RNF185: variants seen among roughly 807,000 people sequenced by gnomAD.
RNF185 encodes the protein ring finger protein 185, also known as E3 ubiquitin-protein ligase RNF185.
Under a neutral mutation model 24.9 loss-of-function variants are expected in RNF185, and 13 were observed. The observed-to-expected ratio is 0.52, with a 90% CI of 0.34 to 0.83. RNF185 has a LOEUF of 0.83. RNF185 is among the 40% of genes least tolerant of loss of function. RNF185 has a pLI of 0.01. For missense variants in RNF185, 184 were observed against 244.7 expected (o/e 0.75, Z 1.65); for synonymous variants, 79 against 90.3 (o/e 0.88, Z 0.71).
chr22:31,171,537 AG>A (rs78452507), intron 1 of RNF185, among the ~76,000 whole-genome samples: 6,532 of 152,246 alleles, frequency 0.043, 536 homozygotes, highest in East Asian at 0.37. Context: ...TTTGCCAAAC[AG>A]CACTGGTAAC....
chr22:31,172,687 T>G (rs1269052511), intron 1 of RNF185, among the ~76,000 whole-genome samples: 1 of 140,720 alleles, frequency 7.1e-6, no homozygotes, highest in Non-Finnish European at 1.5e-5. Context: ...AAGCAGAGGT[T>G]GCAGTGAGCC....
At chr22:31,179,092 G>C (rs2048009650) in intron 1 of RNF185, among the ~76,000 whole-genome samples, 1 of 152,194 alleles carries the variant, frequency 6.6e-6, no homozygotes, top group African/African-American at 2.4e-5. Context: ...CTGGTCAGGA[G>C]AAAAGAATGG....
In RNF185 at chr22:31,178,418, G is replaced by C. The variant is rs561254096; in HGVS notation, c.-48-8629G>C. ...TGGGTTTCCAAAACTCTGTTAATTA[G>C]AGAATCATCTAGGGTAGAAAGTGAG... On this transcript the variant is annotated intron_variant, in intron 1 of 6. Coordinates refer to ENST00000326132, the MANE Select transcript of RNF185 (RefSeq NM_152267.4). 7.9e-5 allele frequency among the ~76,000 whole-genome samples: 12 copies of C among 152,274 alleles called. No individual in the cohort carries two copies. The East Asian group carries it at 2.3e-3, about 29-fold the overall frequency.
intron 6 of RNF185, among the ~76,000 whole-genome samples, chr22:31,203,938 G>A (rs572460319): frequency 4.4e-4 from 67 of 151,970 alleles, no homozygotes; most frequent in African/African-American, 1.6e-3. Context: ...CTACTCAGGA[G>A]GCTGAGGCAG....
intron 3 of RNF185, among the ~76,000 whole-genome samples, chr22:31,193,654 C>T (rs1031488220): frequency 6.6e-6 from 1 of 151,678 alleles, no homozygotes; most frequent in African/African-American, 2.4e-5. Context: ...ATTAGCTGGG[C>T]GTGGTGGTGC....
intron 1 of RNF185, among the ~76,000 whole-genome samples, chr22:31,164,146 C>T (rs1173294963): frequency 2.0e-5 from 3 of 151,132 alleles, no homozygotes; most frequent in African/African-American, 7.3e-5. Flanking sequence ...CACACCTGGC[C>T]AATTTTTGTA....
At position 31,201,574 on chromosome 22, in the gene RNF185, T is replaced by C; in HGVS notation, c.440T>C (p.Phe147Ser). Residue 147 changes from phenylalanine to serine, a missense_variant, in exon 6 of 7, where the codon TTT becomes TCT. Phe to Ser is a radical substitution (Grantham distance 155). Coordinates refer to ENST00000326132, the MANE Select transcript of RNF185 (RefSeq NM_152267.4). ...ATTGGGGCATTTCCCTTTGGGATATTTGCCACAGCATTTAATATAAATGAT... is the reference window on the plus strand; with the variant it reads ...ATTGGGGCATTTCCCTTTGGGATATCTGCCACAGCATTTAATATAAATGAT... The part of the protein sequence containing the change: ...FGIGAFPFGI[F>S]ATAFNINDGR... 6.2e-7 allele frequency: 1 copy of C among 1,612,504 alleles called. No homozygotes were observed. Among genetic ancestry groups the C allele is most frequent in the Non-Finnish European group, 8.5e-7 (1 of 1,179,646 alleles).
chr22:31,170,560 G>A (rs2047919361), intron 1 of RNF185, among the ~76,000 whole-genome samples: 1 of 151,838 alleles, frequency 6.6e-6, no homozygotes, highest in East Asian at 1.9e-4. Flanking sequence ...ACCCAGGGTG[G>A]AGTGCGGTAG....
chr22:31,167,651 G>A (rs947669245), intron 1 of RNF185, among the ~76,000 whole-genome samples: 3 of 112,872 alleles, frequency 2.7e-5, no homozygotes, highest in Non-Finnish European at 4.9e-5. Context: ...TCACTCCGTT[G>A]TCACCCAGGC....
chr22:31,193,962 G>T (rs537220879), intron 3 of RNF185, among the ~76,000 whole-genome samples: 1 of 142,378 alleles, frequency 7.0e-6, no homozygotes, highest in Non-Finnish European at 1.5e-5. Context: ...GTGAGATCTC[G>T]GCTCACTGGA....
At position 31,189,786 on chromosome 22, in the gene RNF185, G is replaced by A. The variant is rs193154433; in HGVS notation, c.176+2516G>A. ...AATTTTTGTATTTTTAGTAGAGAGA[G>A]GTTTTCACCATGTTGGCCAGGATGG... On this transcript the variant is annotated intron_variant, in intron 2 of 6. Coordinates refer to ENST00000326132, the MANE Select transcript of RNF185 (RefSeq NM_152267.4). Among the ~76,000 whole-genome samples the A allele has an allele frequency of 1.9e-3, 290 of 151,700 alleles. 3 individuals are homozygous for A. Among genetic ancestry groups the A allele is most frequent in the East Asian group, 5.2e-3 (27 of 5,158 alleles).
At chr22:31,176,511 CAG>C in intron 1 of RNF185, among the ~76,000 whole-genome samples, 1 of 142,070 alleles carries the variant, frequency 7.0e-6, no homozygotes, top group South Asian at 2.2e-4. Context: ...TTTTTTTAGA[CAG>C]AGTCTTGCTC....
intron 2 of RNF185, among the ~76,000 whole-genome samples, chr22:31,188,419 G>T (rs909771495): frequency 2.6e-5 from 4 of 152,102 alleles, no homozygotes; most frequent in Non-Finnish European, 5.9e-5. Flanking sequence ...ATACTTCAGG[G>T]TATCGTAAAA....
intron 4 of RNF185, among the ~76,000 whole-genome samples, chr22:31,196,269 T>C (rs1298408084): frequency 1.3e-5 from 2 of 152,146 alleles, no homozygotes; most frequent in African/African-American, 4.8e-5. Flanking sequence ...TTCCTTGAAG[T>C]GGTCTGTCTT....
At chr22:31,189,999 T>C (rs528892226) in intron 2 of RNF185, among the ~76,000 whole-genome samples, 86 of 152,226 alleles carry the variant, frequency 5.6e-4, no homozygotes, top group Non-Finnish European at 1.1e-3. Context: ...ATCTGCTAGC[T>C]TCCCTGTACT....
rs760777312 is a variant in RNF185 at position 31,160,188 on chromosome 22, C to T, written c.-164C>T. On this transcript the variant is annotated 5_prime_UTR_variant, in exon 1 of 7. Transcript: ENST00000326132. ...AGAGGGGCGGCTCCGCGTCATGTGA[C>T]TGGAGTCCGCGTAGGAGGGGTCGGA... 1 of 152,766 alleles carries T rather than the reference C, an allele frequency of 6.5e-6. No individual in the cohort carries two copies. The allele number at this position is 152,766 out of a possible 1,614,324, so 9.5% of individuals were successfully genotyped here.
At chr22:31,165,684 G>C (rs1279176889) in intron 1 of RNF185, among the ~76,000 whole-genome samples, 1 of 152,188 alleles carries the variant, frequency 6.6e-6, no homozygotes, top group East Asian at 1.9e-4. Context: ...GAGTGGCCAT[G>C]GGCAAGTGAA....
At chr22:31,160,906 G>A (rs1375319508) in intron 1 of RNF185, among the ~76,000 whole-genome samples, 19 of 152,162 alleles carry the variant, frequency 1.2e-4, no homozygotes, top group Admixed American at 1.2e-3. Flanking sequence ...GCGTAGGGGG[G>A]TCCTGTATAT....
At chr22:31,193,834 A>AG (rs2048178117) in intron 3 of RNF185, among the ~76,000 whole-genome samples, 1 of 151,942 alleles carries the variant, frequency 6.6e-6, no homozygotes, top group Non-Finnish European at 1.5e-5. Context: ...ATCAAAAACA[A>AG]GCAAAAAACA....
Sources: gnomAD v4.1 joint callset for allele counts (sites outside exome capture counted in the v4.1 genomes callset) on GRCh38, gnomAD v4.1.1 for gene constraint, MANE v1.5 for transcripts, NCBI Gene and HGNC (gene_info 2026-07-23, HGNC 2026-07-21) for gene names.